The following FAT3 variants were observed in gnomAD, a reference collection of about 807,000 sequenced individuals.
FAT3 encodes the protein FAT atypical cadherin 3.
Under a neutral mutation model 310.2 loss-of-function variants are expected in FAT3, and 95 were observed. The ratio of observed to expected loss-of-function variants is 0.31; its 90% CI spans 0.26 to 0.36. The LOEUF (loss-of-function observed/expected upper bound fraction) is 0.36. FAT3 is among the 10% of genes least tolerant of loss of function. The probability of loss-of-function intolerance (pLI) is 1.00; values close to 1 mark genes in which losing one functional copy is unlikely to be tolerated. For missense variants in FAT3, 5,408 were observed against 5,715.6 expected (o/e 0.95, Z 1.74); for synonymous variants, 2,314 against 2,192.9 (o/e 1.06, Z -1.54).
intron 4 of FAT3, among the ~76,000 whole-genome samples, chr11:92,732,020 C>T (rs1298666501): frequency 6.6e-6 from 1 of 152,192 alleles, no homozygotes; most frequent in Admixed American, 6.5e-5. Context: ...TCACCTTCTT[C>T]AGATTTACTC....
intron 2 of FAT3, among the ~76,000 whole-genome samples, chr11:92,489,664 C>T (rs572741821): frequency 1.3e-5 from 2 of 152,026 alleles, no homozygotes; most frequent in African/African-American, 4.8e-5. Context: ...AAATTTATAA[C>T]ACCTACCAGA....
At chr11:92,289,914 A>G (rs922564416) in intron 1 of FAT3, among the ~76,000 whole-genome samples, 1 of 152,076 alleles carries the variant, frequency 6.6e-6, no homozygotes, top group Non-Finnish European at 1.5e-5. Flanking sequence ...TGTCTAACTG[A>G]GAGTAAACTT....
intron 4 of FAT3, among the ~76,000 whole-genome samples, chr11:92,734,264 T>C (rs1295048808): frequency 1.3e-5 from 2 of 152,214 alleles, no homozygotes; most frequent in Non-Finnish European, 2.9e-5. Flanking sequence ...ATGTCACCTG[T>C]GTCAGTGCGA....
At chr11:92,418,133 C>G (rs1950455430) in intron 2 of FAT3, among the ~76,000 whole-genome samples, 1 of 152,154 alleles carries the variant, frequency 6.6e-6, no homozygotes. Flanking sequence ...AAATTCTCTT[C>G]CAACTCTATT....
intron 24 of FAT3, among the ~76,000 whole-genome samples, chr11:92,884,100 C>T (rs1591854298): frequency 6.6e-6 from 1 of 152,138 alleles, no homozygotes; most frequent in African/African-American, 2.4e-5. Flanking sequence ...CCTCACACAG[C>T]AACATTCTAG....
At chr11:92,512,171 T>C (rs974841183) in intron 2 of FAT3, among the ~76,000 whole-genome samples, 1 of 152,176 alleles carries the variant, frequency 6.6e-6, no homozygotes, top group South Asian at 2.1e-4. Context: ...AAGTATGTTA[T>C]ATATCTTAAT....
At chr11:92,796,934 A>C (rs1175643642) in intron 9 of FAT3, among the ~76,000 whole-genome samples, 1 of 152,164 alleles carries the variant, frequency 6.6e-6, no homozygotes, top group Non-Finnish European at 1.5e-5. Context: ...AGCTCTATCA[A>C]AGTGGGGTGC....
At chr11:92,825,689 TG>T (rs375102910) in intron 13 of FAT3, among the ~76,000 whole-genome samples, 1 of 152,122 alleles carries the variant, frequency 6.6e-6, no homozygotes, top group African/African-American at 2.4e-5. Flanking sequence ...CAAAAGTTTT[TG>T]CTTCTGTTTG....
intron 1 of FAT3, among the ~76,000 whole-genome samples, chr11:92,240,751 C>G (rs1323324467): frequency 1.3e-5 from 2 of 151,970 alleles, no homozygotes; most frequent in African/African-American, 4.8e-5. Flanking sequence ...ATTCTTGGCT[C>G]AAATAATACA....
chr11:92,227,685 A>G (rs955741877), intron 1 of FAT3, among the ~76,000 whole-genome samples: 3 of 151,758 alleles, frequency 2.0e-5, no homozygotes, highest in Non-Finnish European at 2.9e-5. Context: ...GATTTGAGAG[A>G]CTGAGATTCT....
At chr11:92,571,399 C>T (rs1955659572) in intron 3 of FAT3, among the ~76,000 whole-genome samples, 1 of 152,158 alleles carries the variant, frequency 6.6e-6, no homozygotes, top group African/African-American at 2.4e-5. Context: ...CAAGCAGCAG[C>T]TATCACCGCA....
At chr11:92,584,023 G>A (rs1591484877) in intron 3 of FAT3, among the ~76,000 whole-genome samples, 2 of 151,908 alleles carry the variant, frequency 1.3e-5, no homozygotes, top group South Asian at 4.1e-4. Flanking sequence ...ATTCTTTCCG[G>A]GTGACCTCAG....
chr11:92,321,081 GGT>G (rs1438786111), intron 1 of FAT3, among the ~76,000 whole-genome samples: 2 of 152,072 alleles, frequency 1.3e-5, no homozygotes, highest in African/African-American at 4.8e-5. Flanking sequence ...AATTTGATAA[GGT>G]GTTGGCATGA....
intron 13 of FAT3, among the ~76,000 whole-genome samples, chr11:92,828,180 C>T (rs1381304995): frequency 6.6e-6 from 1 of 151,912 alleles, no homozygotes; most frequent in African/African-American, 2.4e-5. Context: ...TGGCATTTAT[C>T]AAATCCCTTT....
At chr11:92,875,152 A>G (rs2136378517) in intron 22 of FAT3, among the ~76,000 whole-genome samples, 2 of 146,162 alleles carry the variant, frequency 1.4e-5, no homozygotes, top group South Asian at 2.3e-4. Flanking sequence ...AATAGATATC[A>G]CTCTTCTTTC....
intron 3 of FAT3, among the ~76,000 whole-genome samples, chr11:92,661,693 G>A (rs1054205358): frequency 2.0e-5 from 3 of 151,922 alleles, no homozygotes; most frequent in African/African-American, 7.2e-5. Context: ...AATTCATGTG[G>A]GGGAAAAAAC....
Position 92,883,211 on chromosome 11 carries a change from T to C in FAT3, c.12755T>C (p.Ile4252Thr), listed in dbSNP as rs1301771353. 1 of 1,613,180 alleles carries C rather than the reference T, an allele frequency of 6.2e-7. No individual in the cohort carries two copies. Among genetic ancestry groups the C allele is most frequent in the Admixed American group, 1.7e-5 (1 of 60,020 alleles). ...QSDSRSNLDK[I>T]VDGLGGEHQE... is the part of the protein sequence containing the mutation. The stretch of plus-strand genomic sequence containing the variant: ...GACTCCAGGAGCAACCTGGATAAGA[T>C]CGTGGACGGGCTGGGAGGCGAGCAC... Residue 4252 changes from isoleucine (I) to threonine (T), a missense_variant, in exon 24 of 28, where the codon ATC (isoleucine) becomes ACC (threonine). Around this residue, in one of 5 missense-constraint regions of FAT3, gnomAD observed 649 missense variants for 666.2 expected, o/e 0.97. Transcript: ENST00000525166. The surrounding 1 kb of genome is among the most constrained non-coding windows in gnomAD (Gnocchi z 4.2).
At chr11:92,572,036 A>G (rs1043842343) in intron 3 of FAT3, among the ~76,000 whole-genome samples, 4 of 152,138 alleles carry the variant, frequency 2.6e-5, no homozygotes, top group Non-Finnish European at 4.4e-5. Context: ...GTGCCTTACC[A>G]TGTACTCTTT....
chr11:92,758,146 A>G (rs1252451524), intron 4 of FAT3, among the ~76,000 whole-genome samples: 1 of 152,236 alleles, frequency 6.6e-6, no homozygotes, highest in Non-Finnish European at 1.5e-5. Context: ...TTGATTTCAT[A>G]GAATATTTGT....
Sources: allele counts gnomAD v4.1 joint callset (sites outside exome capture counted in the v4.1 genomes callset), GRCh38; gene constraint gnomAD v4.1.1; regional missense constraint gnomAD v4.1.1; non-coding constraint Gnocchi (gnomAD v3.1); transcripts MANE v1.5; gene names NCBI Gene and HGNC (gene_info 2026-07-23, HGNC 2026-07-21).